PML: variants seen among roughly 807,000 people sequenced by gnomAD.
PML encodes PML nuclear body scaffold.
In PML, 28 loss-of-function variants were observed where a neutral mutation model predicts 65.2. The observed-to-expected ratio is 0.43, with a 90% CI of 0.32 to 0.59. The LOEUF is 0.59. Among genes scored for constraint, PML ranks in the 20% least tolerant of loss-of-function variants. The pLI is 0.08. For synonymous variants in PML, 500 were observed against 508.8 expected (o/e 0.98, Z 0.23); for missense variants, 1,021 against 1,203.4 (o/e 0.85, Z 2.24).
intron 2 of PML, among the ~76,000 whole-genome samples, chr15:74,006,390 C>CAAAAAAAAAAAAA (rs372202858): frequency 1.1e-5 from 1 of 87,546 alleles, no homozygotes; most frequent in Non-Finnish European, 2.1e-5. Context: ...GACTCCGTCT[C>CAAAAAAAAAAAAA]AAAAAAAAAA....
At chr15:74,006,776 G>A (rs2070077825) in intron 2 of PML, among the ~76,000 whole-genome samples, 1 of 152,204 alleles carries the variant, frequency 6.6e-6, no homozygotes, top group Admixed American at 6.5e-5. Flanking sequence ...GCTGCAGGTA[G>A]GTTTTACTCA....
rs377150116 is a variant in PML, at chr15:74,011,898, A to G, written c.603-10930A>G. Among the ~76,000 whole-genome samples the G allele has an allele frequency of 3.9e-5, 6 of 151,994 alleles. No homozygotes were observed. In the East Asian group the frequency reaches 9.7e-4, roughly 25 times the overall value. On this transcript the variant is annotated intron_variant, in intron 2 of 8. Coordinates refer to ENST00000268058, the MANE Select transcript of PML (RefSeq NM_033238.3). ...ATTGCAGAATGGGTGCCCCTTTCCTACTCCTGCTGGACTCTACATTCAGGC... is the reference window on the plus strand; with the variant it reads ...ATTGCAGAATGGGTGCCCCTTTCCTGCTCCTGCTGGACTCTACATTCAGGC...
At chr15:74,002,260 C>T (rs183088332) in intron 2 of PML, among the ~76,000 whole-genome samples, 143 of 151,746 alleles carry the variant, frequency 9.4e-4, no homozygotes, top group African/African-American at 3.3e-3. Flanking sequence ...AGCAATAATC[C>T]TTAGAGTTGA....
chr15:74,032,976 A>C (rs2141870819), intron 5 of PML, among the ~76,000 whole-genome samples, 180 bp from the exon 6 acceptor site: 1 of 152,352 alleles, frequency 6.6e-6, no homozygotes, highest in Non-Finnish European at 1.5e-5. Context: ...GGTGGACAGC[A>C]GATAGTACCA....
intron 2 of PML, among the ~76,000 whole-genome samples, chr15:74,021,950 C>T (rs960056956): frequency 6.6e-6 from 1 of 152,074 alleles, no homozygotes; most frequent in African/African-American, 2.4e-5. Flanking sequence ...AATTATATGA[C>T]TTGATTTATT....
chr15:73,995,999 A>C (rs1246483940), intron 1 of PML, among the ~76,000 whole-genome samples: 3 of 151,900 alleles, frequency 2.0e-5, no homozygotes, highest in African/African-American at 7.3e-5. Context: ...TGATCCACCC[A>C]CCTCGGCCTC....
At chr15:74,028,094 T>C (rs1279892605) in intron 4 of PML, 1 of 152,244 alleles carries the variant, frequency 6.6e-6, no homozygotes, top group Non-Finnish European at 1.5e-5. Context: ...TAGGATTGTT[T>C]GGGTGGGGTG....
In PML at chr15:74,045,102, G is replaced by T. The variant is rs1036891067; in HGVS notation, c.*94G>T. The T allele has an allele frequency of 7.8e-6, 9 of 1,153,726 alleles. No individual in the cohort carries two copies. Among genetic ancestry groups the T allele is most frequent in the Non-Finnish European group, 9.7e-6 (8 of 825,490 alleles). 71.5% of individuals were successfully genotyped at this position (1,153,726 alleles called of 1,614,324 possible). On this transcript the variant is annotated 3_prime_UTR_variant, in exon 9 of 9. Coordinates refer to ENST00000268058, the MANE Select transcript of PML (RefSeq NM_033238.3). ...CCCATCACAGCATTCCCAGGTCCTG[G>T]TACCCAGCCCTCAGTTGTCATTTGG...
At chr15:74,031,930 G>A (rs942153390) in intron 4 of PML, among the ~76,000 whole-genome samples, 2 of 152,194 alleles carry the variant, frequency 1.3e-5, no homozygotes, top group African/African-American at 4.8e-5. Flanking sequence ...TATAGAGGGG[G>A]ACTGAGGCCT....
chr15:74,045,200 T>G lies in PML; in HGVS notation c.*192T>G. On this transcript the variant is annotated 3_prime_UTR_variant, in exon 9 of 9. Coordinates refer to ENST00000268058, the MANE Select transcript of PML (RefSeq NM_033238.3). ...CATCCTACAGAGAAGGTTCCAAAGC[T>G]GAGCACCCATCACCCTAGGTGTGCA... The G allele has an allele frequency of 1.7e-6, 1 of 603,644 alleles. No homozygotes were observed. The highest frequency in any genetic ancestry group is 2.9e-6 in the Non-Finnish European group (1 of 344,584). The allele number at this position is 603,644 out of a possible 1,614,324, so 37.4% of individuals were successfully genotyped here.
chr15:74,019,981 G>A (rs2070762842), intron 2 of PML, among the ~76,000 whole-genome samples: 1 of 152,218 alleles, frequency 6.6e-6, no homozygotes, highest in Non-Finnish European at 1.5e-5. Context: ...CTGTGCTGCA[G>A]TGAATATATT....
At chr15:74,040,606 G>A (rs1360652481) in intron 7 of PML, among the ~76,000 whole-genome samples, 1 of 152,190 alleles carries the variant, frequency 6.6e-6, no homozygotes, top group Non-Finnish European at 1.5e-5. Context: ...GTTTAAATGC[G>A]TCAGCACTCC....
At position 74,037,143 on chromosome 15, in the gene PML, C is replaced by T. The variant is rs533994965; in HGVS notation, c.1710+2613C>T. On this transcript the variant is annotated intron_variant, in intron 7 of 8. Coordinates refer to ENST00000268058, the MANE Select transcript of PML (RefSeq NM_033238.3). The surrounding 1 kb of genome is among the most constrained non-coding windows in gnomAD (Gnocchi z 4.2). Reference sequence around the variant, plus strand: ...GCTAAGGGCTCCTTGGTGCTCCGCCCAGCATGTCCTTTTGCTCTGCAGGGC... The same window carrying T: ...GCTAAGGGCTCCTTGGTGCTCCGCCTAGCATGTCCTTTTGCTCTGCAGGGC... The T allele has an allele frequency of 1.0e-6, 1 of 985,420 alleles. No individual in the cohort carries two copies. The highest frequency in any genetic ancestry group is 6.1e-5 in the Admixed American group (1 of 16,292). 61.0% of individuals were successfully genotyped at this position (985,420 alleles called of 1,614,324 possible). A position where few individuals can be genotyped will look rare whatever the true frequency, so the allele number is the denominator to read the frequency against.
At position 74,035,116 on chromosome 15, in the gene PML, C is replaced by A; in HGVS notation, c.1710+586C>A. 1 of 1,144,506 alleles carries A rather than the reference C, an allele frequency of 8.7e-7. No homozygotes were observed. The highest frequency in any genetic ancestry group is 1.3e-6 in the Non-Finnish European group (1 of 756,216). 70.9% of individuals were successfully genotyped at this position (1,144,506 alleles called of 1,614,324 possible). On this transcript the variant is annotated intron_variant, in intron 7 of 8. Coordinates refer to ENST00000268058, the MANE Select transcript of PML (RefSeq NM_033238.3). This position sits in a 1 kb window ranked among gnomAD's most constrained non-coding sequence, Gnocchi z 4.1. Reference sequence around the variant, plus strand: ...GATCTGAATAGAGTGAAAGGTTGGACTGGGTGGCCCCTGAGGTCTCTTCCA... The same window carrying A: ...GATCTGAATAGAGTGAAAGGTTGGAATGGGTGGCCCCTGAGGTCTCTTCCA...
chr15:74,035,684 T>C lies in PML; in HGVS notation c.1710+1154T>C. The C allele has an allele frequency of 6.2e-7, 1 of 1,614,034 alleles. No individual in the cohort carries two copies. Among genetic ancestry groups the C allele is most frequent in the Non-Finnish European group, 8.5e-7 (1 of 1,180,008 alleles). The stretch of plus-strand genomic sequence containing the variant: ...GCCGCTCCCTCCGGGGCTCCTCCCA[T>C]TTATCCCAGTGGCTCAACAACTTTT... On this transcript the variant is annotated intron_variant, in intron 7 of 8. Coordinates refer to ENST00000268058, the MANE Select transcript of PML (RefSeq NM_033238.3). The surrounding 1 kb of genome is among the most constrained non-coding windows in gnomAD (Gnocchi z 4.1).
chr15:74,025,439 C>T (rs963097112), intron 4 of PML: 12 of 169,040 alleles, frequency 7.1e-5, no homozygotes, highest in African/African-American at 1.7e-4. Flanking sequence ...TGGAAAGGAA[C>T]GGGGAATGGT....
chr15:74,036,896 C>A, intron 7 of PML: 2 of 978,938 alleles, frequency 2.0e-6, no homozygotes, highest in Non-Finnish European at 1.2e-6. Context: ...TCCTCTCAGA[C>A]TCTGACCGCA....
chr15:74,034,408 G>T (rs1386564239), intron 6 of PML, 70 bp from the exon 7 acceptor site: 1 of 1,610,920 alleles, frequency 6.2e-7, no homozygotes, highest in East Asian at 2.2e-5. Flanking sequence ...ATTCCCATAG[G>T]TGCACACCCA....
rs2071599473 is a variant in PML, at chr15:74,037,578, CCTT to C, written c.1710+3053_1710+3055del. The C allele has an allele frequency of 2.0e-6, 2 of 985,420 alleles. No individual in the cohort carries two copies. The highest frequency in any genetic ancestry group is 2.4e-6 in the Non-Finnish European group (2 of 829,936). 61.0% of individuals were successfully genotyped at this position (985,420 alleles called of 1,614,324 possible). On this transcript the variant is annotated intron_variant, in intron 7 of 8. Coordinates refer to ENST00000268058, the MANE Select transcript of PML (RefSeq NM_033238.3). The surrounding 1 kb of genome is among the most constrained non-coding windows in gnomAD (Gnocchi z 4.2). ...TTTACACTTCAGCCCCCTCCTTGCC[CCTT>C]CTTCACCCCACCTCCTGCGCTTCCC...
Sources: allele counts gnomAD v4.1 joint callset (sites outside exome capture counted in the v4.1 genomes callset), GRCh38; gene constraint gnomAD v4.1.1; non-coding constraint Gnocchi (gnomAD v3.1); transcripts MANE v1.5; gene names NCBI Gene and HGNC (gene_info 2026-07-23, HGNC 2026-07-21).